SMIM35: variants seen among roughly 807,000 people sequenced by gnomAD.
SMIM35 encodes small integral membrane protein 35.
At chr11:118,061,541 A>T (rs1944395484) in intron 1 of SMIM35, among the ~76,000 whole-genome samples, 1 of 152,102 alleles carries the variant, frequency 6.6e-6, no homozygotes, top group Admixed American at 6.6e-5. Flanking sequence ...CTAAGTTACC[A>T]GACGAACACC....
chr11:118,039,259 A>G (rs1027374615), intron 1 of SMIM35, among the ~76,000 whole-genome samples: 4 of 152,246 alleles, frequency 2.6e-5, no homozygotes, highest in Admixed American at 2.6e-4. Context: ...TGGAATAAGT[A>G]CCAAATACCC....
rs57261529 is a variant in SMIM35 at position 118,048,946 on chromosome 11, C to CAA, written c.8-33139_8-33138dup. ...GCCTATCGCCTAGGCTGAAGAGCTG[C>CAA]AAAAAAAAAAAAAAAAAAGCAAGTG... On this transcript the variant is annotated intron_variant, in intron 1 of 4. Transcript: ENST00000689828. Among the ~76,000 whole-genome samples, 96 of 60,490 alleles carry CAA rather than the reference C, an allele frequency of 1.6e-3. 7 individuals carry two copies. Among genetic ancestry groups the CAA allele is most frequent in the African/African-American group, 4.7e-3 (64 of 13,720 alleles). 39.7% of individuals were successfully genotyped at this position (60,490 alleles called of 152,430 possible).
chr11:118,017,931 A>C (rs2058196797), intron 1 of SMIM35, among the ~76,000 whole-genome samples: 1 of 152,240 alleles, frequency 6.6e-6, no homozygotes, highest in South Asian at 2.1e-4. Flanking sequence ...ACCCACCCCC[A>C]TGATTAAATC....
chr11:118,024,953 T>C (rs1482328893), intron 1 of SMIM35, among the ~76,000 whole-genome samples: 2 of 148,942 alleles, frequency 1.3e-5, no homozygotes, highest in African/African-American at 2.5e-5. Context: ...TGGTCCCCAG[T>C]GTCTATTTTT....
chr11:118,034,910 TC>T (rs1197173116), intron 1 of SMIM35, among the ~76,000 whole-genome samples: 1 of 151,766 alleles, frequency 6.6e-6, no homozygotes, highest in Non-Finnish European at 1.5e-5. Flanking sequence ...AGTTAGTAAG[TC>T]CAAATTGCGG....
rs1396251766 is a variant in SMIM35, at chr11:118,004,384, G to C, written c.*2026C>G. ...TTTTAAAGGAAGCATTATCAAGATG[G>C]GGCAACAGGCTGGAGTGAAAGAAGG... is the stretch of plus-strand genomic sequence containing the variant. On this transcript the variant is annotated 3_prime_UTR_variant, in exon 5 of 5. Coordinates refer to ENST00000689828, the MANE Select transcript of SMIM35 (RefSeq NM_001394165.1). The C allele has an allele frequency of 6.6e-6, 1 of 152,280 alleles. No individual in the cohort carries two copies. Among genetic ancestry groups the C allele is most frequent in the Non-Finnish European group, 1.5e-5 (1 of 68,066 alleles). The allele number at this position is 152,280 out of a possible 1,614,324, so 9.4% of individuals were successfully genotyped here.
intron 1 of SMIM35, among the ~76,000 whole-genome samples, chr11:118,046,528 A>G (rs1944098977): frequency 1.3e-5 from 2 of 152,124 alleles, no homozygotes; most frequent in Admixed American, 1.3e-4. Flanking sequence ...CTCAACCTCA[A>G]CAGACGCCTG....
chr11:118,079,331 C>T (rs1944950035), intron 1 of SMIM35, among the ~76,000 whole-genome samples: 1 of 152,160 alleles, frequency 6.6e-6, no homozygotes, highest in Non-Finnish European at 1.5e-5. Flanking sequence ...CTCCTTCCAT[C>T]CCCACAGGCC....
chr11:118,070,569 A>G (rs1944555315), intron 1 of SMIM35, among the ~76,000 whole-genome samples: 1 of 152,236 alleles, frequency 6.6e-6, no homozygotes, highest in Non-Finnish European at 1.5e-5. Context: ...AGTATGTCCC[A>G]GCTCCACTGT....
At chr11:118,017,485 A>T (rs967726845) in intron 1 of SMIM35, among the ~76,000 whole-genome samples, 8 of 152,244 alleles carry the variant, frequency 5.3e-5, no homozygotes, top group Admixed American at 6.5e-5. Context: ...GAAGGGAGAC[A>T]GGCAATAAAC....
intron 4 of SMIM35, among the ~76,000 whole-genome samples, chr11:118,009,720 C>T (rs1052026191): frequency 2.1e-5 from 3 of 142,102 alleles, no homozygotes; most frequent in Admixed American, 7.1e-5. Context: ...AGAATGCAGA[C>T]GCTTTAAAAA....
chr11:118,029,817 C>T (rs191265488), intron 1 of SMIM35: 109 of 456,950 alleles, frequency 2.4e-4, no homozygotes, highest in African/African-American at 2.0e-3. Flanking sequence ...CTTCCAAGTT[C>T]TTCCCTTTGT....
intron 1 of SMIM35, among the ~76,000 whole-genome samples, chr11:118,081,819 T>C (rs1311948336): frequency 6.6e-6 from 1 of 152,236 alleles, no homozygotes; most frequent in Non-Finnish European, 1.5e-5. Flanking sequence ...ACTGGCAAGA[T>C]ACCATGGAAG....
intron 1 of SMIM35, among the ~76,000 whole-genome samples, chr11:118,036,987 C>G (rs1275723291): frequency 6.6e-6 from 1 of 152,108 alleles, no homozygotes; most frequent in African/African-American, 2.4e-5. Context: ...GCTCTCCTTA[C>G]TGGTTGGGTG....
chr11:118,050,321 C>A (rs898432146), intron 1 of SMIM35, among the ~76,000 whole-genome samples: 1 of 152,246 alleles, frequency 6.6e-6, no homozygotes, highest in African/African-American at 2.4e-5. Flanking sequence ...GCCTCCTGGG[C>A]TCCTAGGTCT....
At chr11:118,065,364 A>G (rs1944456377) in intron 1 of SMIM35, among the ~76,000 whole-genome samples, 1 of 152,188 alleles carries the variant, frequency 6.6e-6, no homozygotes, top group Non-Finnish European at 1.5e-5. Context: ...TGCAAAAGTG[A>G]AATATAGAGA....
At chr11:118,074,822 G>T (rs1369357180) in intron 1 of SMIM35, among the ~76,000 whole-genome samples, 1 of 151,108 alleles carries the variant, frequency 6.6e-6, no homozygotes, top group Admixed American at 6.6e-5. Context: ...GTGGGCCTCT[G>T]TTGTCTCCAG....
chr11:118,014,985 A>G (rs900132764), intron 2 of SMIM35, among the ~76,000 whole-genome samples: 5 of 151,998 alleles, frequency 3.3e-5, no homozygotes, highest in Non-Finnish European at 1.5e-5. Flanking sequence ...TTGGATTCAG[A>G]CTCCACCTCA....
intron 1 of SMIM35, among the ~76,000 whole-genome samples, chr11:118,078,112 A>G (rs1944833331): frequency 6.7e-6 from 1 of 150,232 alleles, no homozygotes; most frequent in African/African-American, 2.4e-5. Context: ...GTCATCTTTT[A>G]CTTGGTCTCT....
Sources: gnomAD v4.1 joint callset for allele counts (sites outside exome capture counted in the v4.1 genomes callset) on GRCh38, gnomAD v4.1.1 for gene constraint, MANE v1.5 for transcripts, NCBI Gene and HGNC (gene_info 2026-07-23, HGNC 2026-07-21) for gene names.